Variants in THSD4 observed in about 807,000 individuals in gnomAD.
THSD4 encodes the protein thrombospondin type-1 domain-containing protein 4.
THSD4 carries 69 observed loss-of-function variants against 119.0 expected under a neutral mutation model. That is an observed-to-expected ratio of 0.58 (90% CI 0.48 to 0.71). THSD4 has a LOEUF of 0.71. Among genes scored for constraint, THSD4 ranks in the 30% least tolerant of loss-of-function variants. The probability of loss-of-function intolerance (pLI) is 0.00; values close to 1 mark genes in which losing one functional copy is unlikely to be tolerated. For synonymous variants in THSD4, 524 were observed against 540.4 expected (o/e 0.97, Z 0.42); for missense variants, 1,393 against 1,391.1 (o/e 1.00, Z -0.02).
intron 3 of THSD4, among the ~76,000 whole-genome samples, chr15:71,199,783 G>GGGTGTGTGCTGT (rs1555454628): frequency 1.0e-5 from 1 of 97,934 alleles, no homozygotes; most frequent in Non-Finnish European, 2.1e-5. Flanking sequence ...GTGGTGTGTG[G>GGGTGTGTGCTGT]GTGTGTGCTG....
Position 71,098,213 on chromosome 15 carries a change from TG to T in THSD4, c.-80+1213del, listed in dbSNP as rs367626009. On this transcript the variant is annotated intron_variant, in intron 1 of 17. Coordinates refer to the THSD4 transcript ENST00000355327. Reference sequence around the variant, plus strand: ...ACTTTTTTTTTTTTTTTTTTTTTTTTGGGGGGAGAGAAGGTCCCGCTCTGTC... The same window carrying T: ...ACTTTTTTTTTTTTTTTTTTTTTTTTGGGGGAGAGAAGGTCCCGCTCTGTC... Among the ~76,000 whole-genome samples, 624 of 128,922 alleles carry T rather than the reference TG, an allele frequency of 4.8e-3. 17 individuals carry two copies. The highest frequency in any genetic ancestry group is 0.012 in the African/African-American group (395 of 33,556). The allele number at this position is 128,922 out of a possible 152,430, so 84.6% of individuals were successfully genotyped here. A position where few individuals can be genotyped will look rare whatever the true frequency, so the allele number is the denominator to read the frequency against.
At chr15:71,121,343 C>T (rs929043956) in intron 1 of THSD4, among the ~76,000 whole-genome samples, 1 of 151,872 alleles carries the variant, frequency 6.6e-6, no homozygotes, top group African/African-American at 2.4e-5. Context: ...AGAAAAGTGC[C>T]ACTTGAATGT....
intron 6 of THSD4, among the ~76,000 whole-genome samples, chr15:71,340,564 T>C (rs1054640598): frequency 6.6e-6 from 1 of 152,142 alleles, no homozygotes; most frequent in East Asian, 1.9e-4. Flanking sequence ...AGGCTGTCTT[T>C]TGTAGGTCCA....
intron 7 of THSD4, among the ~76,000 whole-genome samples, chr15:71,472,353 T>A (rs949237753): frequency 5.9e-5 from 9 of 152,250 alleles, no homozygotes; most frequent in African/African-American, 2.2e-4. Flanking sequence ...AGGCCTTCAA[T>A]ACATATTAAC....
intron 4 of THSD4, among the ~76,000 whole-genome samples, chr15:71,222,131 A>C (rs1297337187): frequency 6.6e-6 from 1 of 152,164 alleles, no homozygotes; most frequent in Non-Finnish European, 1.5e-5. Context: ...TCCCATTCCC[A>C]AAATGTCTGG....
At chr15:71,104,240 A>G (rs1178857972) in intron 1 of THSD4, among the ~76,000 whole-genome samples, 1 of 130,570 alleles carries the variant, frequency 7.7e-6, no homozygotes, top group African/African-American at 2.9e-5. Flanking sequence ...AAAAAACAAA[A>G]CTTATTGACC....
intron 8 of THSD4, among the ~76,000 whole-genome samples, chr15:71,698,107 A>C (rs1167154820): frequency 6.6e-6 from 1 of 152,120 alleles, no homozygotes; most frequent in African/African-American, 2.4e-5. Context: ...GCTATGTGGC[A>C]CACTCCTTGA....
chr15:71,487,251 T>G (rs2047837256), intron 7 of THSD4, among the ~76,000 whole-genome samples: 1 of 152,166 alleles, frequency 6.6e-6, no homozygotes. Context: ...CCAACTTATC[T>G]CTCTGTTTGG....
At chr15:71,718,248 G>C (rs949745758) in intron 8 of THSD4, among the ~76,000 whole-genome samples, 1 of 152,134 alleles carries the variant, frequency 6.6e-6, no homozygotes, top group Non-Finnish European at 1.5e-5. Context: ...ACTTTGGGAT[G>C]AGAAAGATAT....
At chr15:71,568,140 C>G (rs999477406) in intron 7 of THSD4, among the ~76,000 whole-genome samples, 2 of 152,126 alleles carry the variant, frequency 1.3e-5, no homozygotes, top group Non-Finnish European at 2.9e-5. Flanking sequence ...TGCCACACTG[C>G]TAGCTCTTCT....
intron 7 of THSD4, among the ~76,000 whole-genome samples, chr15:71,524,222 T>A (rs901472080): frequency 2.0e-5 from 3 of 152,238 alleles, no homozygotes; most frequent in African/African-American, 7.2e-5. Flanking sequence ...CCAAGACCCC[T>A]GCCAGCCTTA....
At chr15:71,373,130 A>G (rs1040768916) in intron 6 of THSD4, among the ~76,000 whole-genome samples, 7 of 152,258 alleles carry the variant, frequency 4.6e-5, no homozygotes, top group African/African-American at 1.7e-4. Context: ...CAGTTTATCT[A>G]AATAGTTCAT....
At chr15:71,705,866 A>T (rs1324477667) in intron 8 of THSD4, among the ~76,000 whole-genome samples, 1 of 152,222 alleles carries the variant, frequency 6.6e-6, no homozygotes, top group African/African-American at 2.4e-5. Flanking sequence ...GCCCTGAAAG[A>T]AATACAGAAA....
intron 3 of THSD4, among the ~76,000 whole-genome samples, chr15:71,168,602 T>C (rs888975887): frequency 1.3e-5 from 2 of 152,176 alleles, no homozygotes; most frequent in African/African-American, 4.8e-5. Flanking sequence ...TACTGCAGAA[T>C]GAAGTAAGGG....
chr15:71,395,333 A>G (rs546060099), intron 6 of THSD4, among the ~76,000 whole-genome samples: 2 of 152,334 alleles, frequency 1.3e-5, no homozygotes, highest in African/African-American at 4.8e-5. Flanking sequence ...CATCCAGTCT[A>G]AAAGTCCCCA....
chr15:71,566,889 G>A (rs1037315426), intron 7 of THSD4, among the ~76,000 whole-genome samples: 1 of 151,602 alleles, frequency 6.6e-6, no homozygotes, highest in Non-Finnish European at 1.5e-5. Context: ...CACATCAGCA[G>A]AGAGTACTGT....
At chr15:71,336,196 G>A (rs1034621210) in intron 6 of THSD4, among the ~76,000 whole-genome samples, 1 of 152,212 alleles carries the variant, frequency 6.6e-6, no homozygotes, top group Non-Finnish European at 1.5e-5. Flanking sequence ...AAGGGATTTA[G>A]GGCAGTGTTT....
chr15:71,246,617 C>A (rs527454424), intron 5 of THSD4, among the ~76,000 whole-genome samples: 1 of 152,116 alleles, frequency 6.6e-6, no homozygotes, highest in Non-Finnish European at 1.5e-5. Context: ...ATATTAAGAC[C>A]TATCTTATGG....
intron 7 of THSD4, among the ~76,000 whole-genome samples, chr15:71,450,677 G>GGT (rs1203340373): frequency 6.6e-6 from 1 of 152,178 alleles, no homozygotes; most frequent in African/African-American, 2.4e-5. Flanking sequence ...CATTTCACTT[G>GGT]GTAGTGTAGG....
Sources: allele counts gnomAD v4.1 joint callset (sites outside exome capture counted in the v4.1 genomes callset), GRCh38; gene constraint gnomAD v4.1.1; transcripts MANE v1.5; gene names NCBI Gene and HGNC (gene_info 2026-07-23, HGNC 2026-07-21).